R3HDM2: variants seen among roughly 807,000 people sequenced by gnomAD.
The protein encoded by R3HDM2 is R3H domain containing 2.
A neutral mutation model predicts 124.5 loss-of-function variants in R3HDM2; 38 were observed. The observed-to-expected ratio is 0.31, with a 90% CI of 0.24 to 0.40. The LOEUF (loss-of-function observed/expected upper bound fraction) is 0.40, where lower values mean the gene tolerates loss of function less well. R3HDM2 is among the 10% of genes least tolerant of loss of function. R3HDM2 has a pLI of 1.00. For synonymous variants in R3HDM2, 391 were observed against 448.0 expected (o/e 0.87, Z 1.61); for missense variants, 869 against 1,236.9 (o/e 0.70, Z 4.46).
rs538832927 is a variant in R3HDM2 at position 57,272,298 on chromosome 12, T to C, written c.1345-2304A>G. On this transcript the variant is annotated intron_variant, in intron 14 of 23. Coordinates refer to ENST00000402412, the MANE Select transcript of R3HDM2 (RefSeq NM_001394031.1). The stretch of plus-strand genomic sequence containing the variant: ...GTGATGAGGCCATTAGCATGGAGTA[T>C]AGTTCAGCCTGTGCTGGTCCCTCAA... 5.9e-5 allele frequency among the ~76,000 whole-genome samples: 9 copies of C among 152,242 alleles called. No individual in the cohort carries two copies. The East Asian group carries it at 1.7e-3, about 29-fold the overall frequency.
chr12:57,322,893 A>C (rs1483042391), intron 2 of R3HDM2, among the ~76,000 whole-genome samples: 2 of 152,138 alleles, frequency 1.3e-5, no homozygotes, highest in Admixed American at 6.6e-5. Flanking sequence ...GAGGCCTCTG[A>C]GTACCAGTGG....
intron 10 of R3HDM2, among the ~76,000 whole-genome samples, chr12:57,292,972 A>C (rs12812805): frequency 1.4e-5 from 2 of 141,326 alleles, no homozygotes; most frequent in Admixed American, 1.6e-4. Context: ...GGTAGCCTCC[A>C]GTCAGTAAGG....
intron 2 of R3HDM2, among the ~76,000 whole-genome samples, chr12:57,372,287 G>A (rs376312949): frequency 6.6e-6 from 1 of 151,922 alleles, no homozygotes; most frequent in African/African-American, 2.4e-5. Context: ...GAGCAGTGGT[G>A]AAAAAACATA....
At chr12:57,418,451 T>A in intron 1 of R3HDM2, 2 of 416,646 alleles carry the variant, frequency 4.8e-6, no homozygotes, top group Non-Finnish European at 6.4e-6. Flanking sequence ...CTTTAGCCTA[T>A]CTTTGATGGA....
At chr12:57,424,955 G>A (rs753041309) in intron 1 of R3HDM2, among the ~76,000 whole-genome samples, 16 of 152,130 alleles carry the variant, frequency 1.1e-4, no homozygotes, top group African/African-American at 3.4e-4. Flanking sequence ...GTGAGACTCC[G>A]TCTCAAAAAA....
rs1476361809 is a variant in R3HDM2, at chr12:57,339,244, G to A, written c.-35-28781C>T. 7.9e-5 allele frequency among the ~76,000 whole-genome samples: 12 copies of A among 151,944 alleles called. No homozygotes were observed. The South Asian group carries it at 1.0e-3, about 13-fold the overall frequency. Reference sequence around the variant, plus strand: ...ACTCCTGACCTCAAGTGATCCATCCGCCTCAGCCTCCCAAGGTGCTGGGAT... The same window carrying A: ...ACTCCTGACCTCAAGTGATCCATCCACCTCAGCCTCCCAAGGTGCTGGGAT... On this transcript the variant is annotated intron_variant, in intron 2 of 23. Coordinates refer to ENST00000402412, the MANE Select transcript of R3HDM2 (RefSeq NM_001394031.1).
chr12:57,351,117 A>G (rs2060633059), intron 2 of R3HDM2, among the ~76,000 whole-genome samples: 1 of 152,030 alleles, frequency 6.6e-6, no homozygotes, highest in Admixed American at 6.6e-5. Flanking sequence ...ATAAAAATAA[A>G]ATACAAAATT....
intron 2 of R3HDM2, among the ~76,000 whole-genome samples, chr12:57,352,262 A>C (rs1007192552): frequency 6.7e-6 from 1 of 149,836 alleles, no homozygotes; most frequent in African/African-American, 2.5e-5. Flanking sequence ...AAAAAAAAAA[A>C]CAAATCTAGG....
intron 1 of R3HDM2, among the ~76,000 whole-genome samples, chr12:57,414,442 A>G (rs1371919377): frequency 6.8e-6 from 1 of 146,910 alleles, no homozygotes; most frequent in African/African-American, 2.5e-5. Flanking sequence ...GTAAGCTGAG[A>G]TCACATCACT....
chr12:57,428,119 CAAAA>C (rs879458111), intron 1 of R3HDM2, among the ~76,000 whole-genome samples: 15 of 131,956 alleles, frequency 1.1e-4, no homozygotes, highest in African/African-American at 4.2e-4. Flanking sequence ...GACTCCATCT[CAAAA>C]AAAAAAAAGA....
At chr12:57,360,051 T>A (rs55666691) in intron 2 of R3HDM2, among the ~76,000 whole-genome samples, 1,143 of 37,132 alleles carry the variant, frequency 0.031, 6 homozygotes, top group African/African-American at 0.045. Context: ...ATATATATTT[T>A]TTTTTTTTTT....
intron 1 of R3HDM2, among the ~76,000 whole-genome samples, chr12:57,403,119 G>C (rs1359838504): frequency 6.6e-6 from 1 of 151,212 alleles, no homozygotes; most frequent in Non-Finnish European, 1.5e-5. Context: ...ACTTTAGGAG[G>C]CTGAGGCGGG....
intron 1 of R3HDM2, among the ~76,000 whole-genome samples, chr12:57,421,372 A>G (rs1381012670): frequency 6.8e-6 from 1 of 147,606 alleles, no homozygotes; most frequent in East Asian, 2.0e-4. Flanking sequence ...CTGGTCTCCA[A>G]CTCCCGACCT....
At chr12:57,427,897 C>T (rs1018584134) in intron 1 of R3HDM2, among the ~76,000 whole-genome samples, 2 of 151,786 alleles carry the variant, frequency 1.3e-5, no homozygotes, top group African/African-American at 4.8e-5. Context: ...GGGTGGATCA[C>T]TTAGGGTCAG....
chr12:57,339,789 G>C (rs2059338044), intron 2 of R3HDM2, among the ~76,000 whole-genome samples: 1 of 151,950 alleles, frequency 6.6e-6, no homozygotes, highest in South Asian at 2.1e-4. Flanking sequence ...TCAGAGAGAA[G>C]AGAATTAAGT....
At chr12:57,429,975 G>T (rs1869324686) in intron 1 of R3HDM2, among the ~76,000 whole-genome samples, 2 of 152,140 alleles carry the variant, frequency 1.3e-5, no homozygotes, top group African/African-American at 4.8e-5. Flanking sequence ...CTCAATCTTA[G>T]TTATCTATTT....
intron 2 of R3HDM2, among the ~76,000 whole-genome samples, chr12:57,361,952 G>A (rs1333710000): frequency 6.6e-6 from 1 of 152,046 alleles, no homozygotes; most frequent in Admixed American, 6.6e-5. Flanking sequence ...GGGCAACATG[G>A]CAAAACCCCG....
intron 23 of R3HDM2, 48 bp downstream of exon 23, chr12:57,255,942 T>C: frequency 6.5e-7 from 1 of 1,544,166 alleles, no homozygotes; most frequent in South Asian, 1.2e-5. Context: ...AATTAAGCGC[T>C]GGAAGGGTGG....
chr12:57,357,355 G>C (rs930835937), intron 2 of R3HDM2, among the ~76,000 whole-genome samples: 3 of 151,594 alleles, frequency 2.0e-5, no homozygotes, highest in Admixed American at 2.0e-4. Context: ...CCAGCTACTT[G>C]GAAGGCTGAG....
Sources: gnomAD v4.1 joint callset for allele counts (sites outside exome capture counted in the v4.1 genomes callset) on GRCh38, gnomAD v4.1.1 for gene constraint, MANE v1.5 for transcripts, NCBI Gene and HGNC (gene_info 2026-07-23, HGNC 2026-07-21) for gene names.